The following NEK10 variants were observed in gnomAD, a reference collection of about 807,000 sequenced individuals.
NEK10 encodes the protein NIMA related kinase 10.
Under a neutral mutation model 159.8 loss-of-function variants are expected in NEK10, and 122 were observed. The observed-to-expected ratio is 0.76, with a 90% confidence interval of 0.66 to 0.89. The LOEUF (loss-of-function observed/expected upper bound fraction) is 0.89. NEK10 is among the 40% of genes least tolerant of loss of function. The pLI is 0.00. For missense variants in NEK10, 1,342 were observed against 1,323.1 expected (o/e 1.01, Z -0.22); for synonymous variants, 466 against 457.1 (o/e 1.02, Z -0.25).
chr3:27,116,138 T>C lies in NEK10; in HGVS notation c.3191-11A>G. On this transcript the variant is annotated splice_polypyrimidine_tract_variant and intron_variant, in intron 33 of 35. Coordinates refer to ENST00000691995, the MANE Select transcript of NEK10 (RefSeq NM_001394966.1). ...TGCTGGTTGGTAAACCTAAAAAAGATAAATTATGGAAAGTCTGACATTTGG... is the reference window on the plus strand; with the variant it reads ...TGCTGGTTGGTAAACCTAAAAAAGACAAATTATGGAAAGTCTGACATTTGG... 6.2e-7 allele frequency: 1 copy of C among 1,612,384 alleles called. No individual in the cohort carries two copies. Among genetic ancestry groups the C allele is most frequent in the African/African-American group, 1.3e-5 (1 of 74,994 alleles).
At chr3:27,218,080 A>G (rs1951708791) in intron 23 of NEK10, among the ~76,000 whole-genome samples, 1 of 152,236 alleles carries the variant, frequency 6.6e-6, no homozygotes, top group Admixed American at 6.5e-5. Context: ...TGACCTGATC[A>G]CTGAGATAGC....
chr3:27,258,751 G>A (rs1007082242), intron 22 of NEK10, among the ~76,000 whole-genome samples: 1 of 152,182 alleles, frequency 6.6e-6, no homozygotes, highest in Non-Finnish European at 1.5e-5. Context: ...GGATGGCTGG[G>A]TCAAATGCTA....
rs534261301 is a variant in NEK10 at position 27,106,723 on chromosome 3, A to G, written c.*4549T>C. Among the ~76,000 whole-genome samples the G allele has an allele frequency of 6.3e-4, 96 of 152,266 alleles. No homozygotes were observed. The highest frequency in any genetic ancestry group is 5.6e-3 in the Admixed American group (86 of 15,288). Reference sequence around the variant, plus strand: ...GCATGTTTTATGGGACCAGTTTTTCACATGTTTGCAAAAACTTCGGCTAAT... The same window carrying G: ...GCATGTTTTATGGGACCAGTTTTTCGCATGTTTGCAAAAACTTCGGCTAAT... On this transcript the variant is annotated 3_prime_UTR_variant, in exon 36 of 36. Coordinates refer to ENST00000691995, the MANE Select transcript of NEK10 (RefSeq NM_001394966.1).
intron 2 of NEK10, 36 bp from the exon 3 acceptor site, chr3:27,352,561 A>C (rs1406935883): frequency 6.8e-7 from 1 of 1,481,416 alleles, no homozygotes; most frequent in East Asian, 2.3e-5. Flanking sequence ...AACCCACAGA[A>C]GGCTCCAGGT....
At chr3:27,302,058 C>T (rs653886) in intron 12 of NEK10, among the ~76,000 whole-genome samples, 57,595 of 151,962 alleles carry the variant, frequency 0.38, 13,623 homozygotes, top group African/African-American at 0.68. Context: ...GTGTCCTCTC[C>T]CCACTGCTCT....
chr3:27,359,201 CAAA>C (rs5847459), intron 1 of NEK10, among the ~76,000 whole-genome samples: 1 of 135,108 alleles, frequency 7.4e-6, no homozygotes. Flanking sequence ...AACTCCATTT[CAAA>C]AAAAAAAAAA....
At chr3:27,366,014 T>A (rs1034368290) in intron 1 of NEK10, among the ~76,000 whole-genome samples, 1 of 152,138 alleles carries the variant, frequency 6.6e-6, no homozygotes, top group African/African-American at 2.4e-5. Flanking sequence ...ATCCAAGCCA[T>A]ACACCCTGTC....
chr3:27,306,846 G>A (rs1479502287), intron 11 of NEK10, among the ~76,000 whole-genome samples: 1 of 152,024 alleles, frequency 6.6e-6, no homozygotes, highest in East Asian at 1.9e-4. Context: ...TGTTCTTATG[G>A]TCCTGCTGTG....
intron 23 of NEK10, chr3:27,206,472 T>C (rs1348917323): frequency 2.3e-6 from 1 of 434,658 alleles, no homozygotes; most frequent in Non-Finnish European, 3.1e-6. Flanking sequence ...CAAGTTGCAA[T>C]ATTAGAAAAA....
intron 5 of NEK10, among the ~76,000 whole-genome samples, chr3:27,328,737 C>T (rs1460237797): frequency 1.3e-5 from 2 of 152,094 alleles, no homozygotes; most frequent in Non-Finnish European, 2.9e-5. Context: ...CTAAATTCAA[C>T]GTTGAGAACA....
At chr3:27,132,516 A>G (rs1942741895) in intron 31 of NEK10, among the ~76,000 whole-genome samples, 1 of 152,204 alleles carries the variant, frequency 6.6e-6, no homozygotes, top group African/African-American at 2.4e-5. Flanking sequence ...CAATCATTCC[A>G]GAAGAAAGAG....
chr3:27,114,920 T>A (rs190587980), intron 35 of NEK10, among the ~76,000 whole-genome samples: 1 of 152,312 alleles, frequency 6.6e-6, no homozygotes, highest in East Asian at 1.9e-4. Flanking sequence ...GCAGACATTG[T>A]AAACACCCAT....
At chr3:27,325,174 G>A (rs1467110759) in intron 5 of NEK10, among the ~76,000 whole-genome samples, 2 of 152,224 alleles carry the variant, frequency 1.3e-5, no homozygotes, top group African/African-American at 4.8e-5. Flanking sequence ...CTGGCCAGGT[G>A]ACACTTGCTC....
chr3:27,311,197 G>C, intron 8 of NEK10, 181 bp from the exon 9 acceptor site: 1 of 463,652 alleles, frequency 2.2e-6, no homozygotes, highest in African/African-American at 2.0e-5. Flanking sequence ...TACTCCTCAA[G>C]CTCCACTGGT....
chr3:27,326,993 C>T (rs1363383944), intron 5 of NEK10, among the ~76,000 whole-genome samples: 1 of 152,178 alleles, frequency 6.6e-6, no homozygotes, highest in Non-Finnish European at 1.5e-5. Flanking sequence ...CTAGGAAACA[C>T]ACAGCTTAGT....
In NEK10 at chr3:27,272,545, C is replaced by T. The variant is rs147758470; in HGVS notation, c.2014+12057G>A. ...ATCCATCCTACAGGGTATTTGACAA[C>T]GAAACAATCTACCAACACCTGCCTT... On this transcript the variant is annotated intron_variant, in intron 22 of 35. Transcript: ENST00000691995. Among the ~76,000 whole-genome samples the T allele has an allele frequency of 3.3e-3, 498 of 152,278 alleles. 5 individuals carry two copies. Among genetic ancestry groups the T allele is most frequent in the East Asian group, 0.02 (106 of 5,180 alleles).
intron 22 of NEK10, among the ~76,000 whole-genome samples, chr3:27,277,816 A>G (rs1247033216): frequency 1.3e-5 from 2 of 152,244 alleles, no homozygotes; most frequent in Admixed American, 6.5e-5. Context: ...AAATCTGAGT[A>G]GAAGTAACAT....
intron 23 of NEK10, among the ~76,000 whole-genome samples, chr3:27,233,679 G>C (rs1953570024): frequency 1.3e-5 from 2 of 151,444 alleles, no homozygotes; most frequent in African/African-American, 4.8e-5. Context: ...AGAAAATGTG[G>C]TATAAGATGT....
At chr3:27,287,353 C>A (rs1270750307) in intron 20 of NEK10, among the ~76,000 whole-genome samples, 1 of 152,154 alleles carries the variant, frequency 6.6e-6, no homozygotes, top group Admixed American at 6.6e-5. Context: ...ACACCTGAGT[C>A]AACAAAAACA....
Sources: gnomAD v4.1 joint callset for allele counts (sites outside exome capture counted in the v4.1 genomes callset) on GRCh38, gnomAD v4.1.1 for gene constraint, MANE v1.5 for transcripts, NCBI Gene and HGNC (gene_info 2026-07-23, HGNC 2026-07-21) for gene names.